The following KCNIP4 variants were observed in gnomAD, a reference collection of about 807,000 sequenced individuals.
KCNIP4 encodes the protein potassium voltage-gated channel interacting protein 4.
A neutral mutation model predicts 34.0 loss-of-function variants in KCNIP4; 12 were observed. The observed-to-expected ratio is 0.35, with a 90% CI of 0.23 to 0.57. The LOEUF (loss-of-function observed/expected upper bound fraction) is 0.57, where lower values mean the gene tolerates loss of function less well. Ranked by LOEUF, KCNIP4 falls within the 20% of genes least tolerant of loss-of-function variation. The pLI, the probability that KCNIP4 is intolerant of heterozygous loss-of-function variation, is 0.83. For missense variants in KCNIP4, 238 were observed against 311.7 expected (o/e 0.76, Z 1.78); for synonymous variants, 124 against 102.2 (o/e 1.21, Z -1.29).
At chr4:21,167,743 C>T (rs371892695) in intron 1 of KCNIP4, among the ~76,000 whole-genome samples, 2 of 152,220 alleles carry the variant, frequency 1.3e-5, no homozygotes, top group East Asian at 3.9e-4. Context: ...CCCAGGAGTA[C>T]AGAATGAAAA....
At chr4:21,016,372 C>T (rs1739545772) in intron 1 of KCNIP4, among the ~76,000 whole-genome samples, 1 of 151,058 alleles carries the variant, frequency 6.6e-6, no homozygotes, top group South Asian at 2.1e-4. Flanking sequence ...AATCTCAGCA[C>T]ACTGCAAGCT....
rs866111974 is a variant in KCNIP4, at chr4:21,104,801, C to T, written c.62-222092G>A. The stretch of plus-strand genomic sequence containing the variant: ...GTGTAAGGAAGGGATCCAGTTTCAG[C>T]TTTCTCCATATGGCTAGCCAGTTTT... On this transcript the variant is annotated intron_variant, in intron 1 of 8. Transcript: ENST00000382152. Among the ~76,000 whole-genome samples, 112 of 151,656 alleles carry T rather than the reference C, an allele frequency of 7.4e-4. 1 individual carries two copies. Among genetic ancestry groups the T allele is most frequent in the Middle Eastern group, 3.2e-3 (1 of 316 alleles).
intron 1 of KCNIP4, among the ~76,000 whole-genome samples, chr4:21,048,084 TA>T (rs1742593363): frequency 6.6e-6 from 1 of 152,224 alleles, no homozygotes; most frequent in Non-Finnish European, 1.5e-5. Context: ...TCTCCACAAT[TA>T]TTTTGTATCT....
chr4:21,760,746 T>C (rs1577953312), intron 1 of KCNIP4, among the ~76,000 whole-genome samples: 1 of 152,118 alleles, frequency 6.6e-6, no homozygotes, highest in African/African-American at 2.4e-5. Flanking sequence ...ATTTCTATTA[T>C]TTATAGCTTT....
At chr4:21,546,941 G>T (rs1273766967) in intron 1 of KCNIP4, among the ~76,000 whole-genome samples, 1 of 152,002 alleles carries the variant, frequency 6.6e-6, no homozygotes, top group Non-Finnish European at 1.5e-5. Flanking sequence ...ATAAAGAGAA[G>T]GTATGATAAT....
At chr4:20,735,398 C>T (rs1749344299) in intron 5 of KCNIP4, among the ~76,000 whole-genome samples, 1 of 152,222 alleles carries the variant, frequency 6.6e-6, no homozygotes, top group South Asian at 2.1e-4. Context: ...CTGCTTATAA[C>T]AGTCCTTGGC....
chr4:21,685,389 G>A (rs1750726988), intron 1 of KCNIP4, among the ~76,000 whole-genome samples: 1 of 152,052 alleles, frequency 6.6e-6, no homozygotes, highest in Admixed American at 6.6e-5. Context: ...ATATCATGGG[G>A]GGAATATAAA....
At chr4:21,148,477 C>T (rs138729351) in intron 1 of KCNIP4, among the ~76,000 whole-genome samples, 26 of 152,222 alleles carry the variant, frequency 1.7e-4, no homozygotes, top group Non-Finnish European at 2.4e-4. Context: ...ATGATAGTTA[C>T]GTTTATCCAA....
chr4:21,098,462 C>T (rs373251218), intron 1 of KCNIP4, among the ~76,000 whole-genome samples: 8 of 152,010 alleles, frequency 5.3e-5, no homozygotes, highest in South Asian at 2.1e-4. Context: ...AAATTGAAGC[C>T]GATACTCATT....
intron 1 of KCNIP4, among the ~76,000 whole-genome samples, chr4:21,005,144 A>T (rs1738449214): frequency 6.6e-6 from 1 of 152,194 alleles, no homozygotes; most frequent in Admixed American, 6.5e-5. Context: ...TTGTAAAAAC[A>T]AACAAACAAA....
intron 1 of KCNIP4, among the ~76,000 whole-genome samples, chr4:21,713,514 A>G (rs1472735617): frequency 6.6e-6 from 1 of 152,206 alleles, no homozygotes; most frequent in Non-Finnish European, 1.5e-5. Context: ...TACAAGTGAT[A>G]TTTTGCTACC....
At chr4:21,151,029 A>G (rs532864848) in intron 1 of KCNIP4, among the ~76,000 whole-genome samples, 6 of 152,324 alleles carry the variant, frequency 3.9e-5, no homozygotes, top group Admixed American at 3.9e-4. Context: ...AGGGAAAAAG[A>G]GCCTTTCTAT....
At chr4:21,429,264 C>T (rs1294056198) in intron 1 of KCNIP4, among the ~76,000 whole-genome samples, 1 of 150,884 alleles carries the variant, frequency 6.6e-6, no homozygotes, top group Non-Finnish European at 1.5e-5. Context: ...AGAGTAGCTT[C>T]CTTCACTTAG....
chr4:21,313,968 G>GCT lies in KCNIP4; in HGVS notation c.62-431261_62-431260dup, dbSNP rs560368527. Reference sequence around the variant, plus strand: ...GAGTCTGGGTACAGGTTAGCAGAGTGCTCTATTCAGGCTTAAATCAAGATG... The same window carrying GCT: ...GAGTCTGGGTACAGGTTAGCAGAGTGCTCTCTATTCAGGCTTAAATCAAGATG... On this transcript the variant is annotated intron_variant, in intron 1 of 8. Coordinates refer to ENST00000382152, the MANE Select transcript of KCNIP4 (RefSeq NM_025221.6). 3.3e-4 allele frequency among the ~76,000 whole-genome samples: 51 copies of GCT among 152,306 alleles called. No individual in the cohort carries two copies. The East Asian group carries it at 8.5e-3, about 25-fold the overall frequency.
chr4:21,049,787 C>T (rs73802439), intron 1 of KCNIP4, among the ~76,000 whole-genome samples: 3,364 of 152,326 alleles, frequency 0.022, 132 homozygotes, highest in African/African-American at 0.076. Context: ...TTACCTTCCA[C>T]TCCAGGTGGC....
chr4:20,786,091 T>C (rs1711948517), intron 3 of KCNIP4, among the ~76,000 whole-genome samples: 1 of 152,068 alleles, frequency 6.6e-6, no homozygotes, highest in Non-Finnish European at 1.5e-5. Flanking sequence ...AATGTACATA[T>C]ACAGCATGCA....
chr4:20,732,813 G>C, intron 6 of KCNIP4, 28 bp from the exon 7 acceptor site: 1 of 1,314,866 alleles, frequency 7.6e-7, no homozygotes, highest in Non-Finnish European at 1.1e-6. Context: ...CTCACGTGAG[G>C]CTGCACACAT....
chr4:20,970,740 A>T (rs1198898603), intron 1 of KCNIP4, among the ~76,000 whole-genome samples: 1 of 152,194 alleles, frequency 6.6e-6, no homozygotes, highest in African/African-American at 2.4e-5. Flanking sequence ...ATGTTTAAAA[A>T]TTATTAATAT....
chr4:21,155,489 T>G (rs919477981), intron 1 of KCNIP4, among the ~76,000 whole-genome samples: 4 of 152,168 alleles, frequency 2.6e-5, no homozygotes, highest in African/African-American at 9.7e-5. Context: ...ATTATTCCAT[T>G]GATATGTCAG....
Sources: gnomAD v4.1 joint callset for allele counts (sites outside exome capture counted in the v4.1 genomes callset) on GRCh38, gnomAD v4.1.1 for gene constraint, MANE v1.5 for transcripts, NCBI Gene and HGNC (gene_info 2026-07-23, HGNC 2026-07-21) for gene names.